TRAPPC9: variants seen among roughly 807,000 people sequenced by gnomAD.
TRAPPC9 encodes the protein IKK2 binding protein.
Under a neutral mutation model 124.0 loss-of-function variants are expected in TRAPPC9, and 83 were observed. That is an observed-to-expected ratio of 0.67 (90% CI 0.56 to 0.80). TRAPPC9 has a LOEUF of 0.80. Ranked by LOEUF, TRAPPC9 falls within the 30% of genes least tolerant of loss-of-function variation. TRAPPC9 has a pLI of 0.00. For synonymous variants in TRAPPC9, 638 were observed against 617.5 expected, an observed-to-expected ratio of 1.03 and a Z score of -0.49; for missense variants, 1,302 against 1,508.3, an observed-to-expected ratio of 0.86 and a Z score of 2.27.
At chr8:140,443,667 G>A (rs1460518791) in intron 2 of TRAPPC9, among the ~76,000 whole-genome samples, 9 of 152,134 alleles carry the variant, frequency 5.9e-5, no homozygotes, top group Non-Finnish European at 1.0e-4. Context: ...TTGGGAAGCC[G>A]AGGCAGGCAG....
intron 21 of TRAPPC9, among the ~76,000 whole-genome samples, chr8:139,874,905 G>C (rs1829224051): frequency 2.0e-5 from 3 of 152,122 alleles, no homozygotes; most frequent in African/African-American, 7.2e-5. Flanking sequence ...CAGCAGCTAT[G>C]GGACCAGTCA....
intron 17 of TRAPPC9, among the ~76,000 whole-genome samples, chr8:140,220,016 C>G (rs879840197): frequency 3.3e-5 from 5 of 152,192 alleles, no homozygotes; most frequent in Non-Finnish European, 7.3e-5. Context: ...TCCAGGGCAC[C>G]TGGGGCACGC....
chr8:140,081,050 C>T (rs1459492901), intron 17 of TRAPPC9, among the ~76,000 whole-genome samples: 1 of 152,150 alleles, frequency 6.6e-6, no homozygotes, highest in Non-Finnish European at 1.5e-5. Context: ...AGGGAGGCAC[C>T]CACCCTGGCT....
At chr8:139,735,512 G>A (rs552816891) in intron 21 of TRAPPC9, among the ~76,000 whole-genome samples, 4 of 152,172 alleles carry the variant, frequency 2.6e-5, no homozygotes, top group Admixed American at 1.3e-4. Context: ...ACAGTGAACC[G>A]AACCAGGCGC....
Position 140,255,045 on chromosome 8 carries a change from C to T in TRAPPC9, c.2279-2116G>A, listed in dbSNP as rs115794638. 1.1e-3 allele frequency among the ~76,000 whole-genome samples: 173 copies of T among 152,318 alleles called. 1 individual carries two copies. The highest frequency in any genetic ancestry group is 4.0e-3 in the African/African-American group (166 of 41,578). On this transcript the variant is annotated intron_variant, in intron 15 of 22. Transcript: ENST00000438773. ...CAAAATAAGCAGACATATTCCTGGC[C>T]GGAGGTGTGCTCGACCATGGCACGG...
At chr8:140,318,950 C>G (rs1261867271) in intron 9 of TRAPPC9, among the ~76,000 whole-genome samples, 1 of 152,148 alleles carries the variant, frequency 6.6e-6, no homozygotes, top group African/African-American at 2.4e-5. Flanking sequence ...TAAAAGGACA[C>G]AAGGCCGTGG....
chr8:140,265,270 T>G (rs1212628766), intron 15 of TRAPPC9, among the ~76,000 whole-genome samples: 1 of 152,148 alleles, frequency 6.6e-6, no homozygotes, highest in African/African-American at 2.4e-5. Context: ...AAGCATAAGG[T>G]ATGCTCAGAA....
chr8:140,079,314 T>C (rs1447598055), intron 17 of TRAPPC9, among the ~76,000 whole-genome samples: 1 of 152,156 alleles, frequency 6.6e-6, no homozygotes, highest in Non-Finnish European at 1.5e-5. Flanking sequence ...CAACAAAGAA[T>C]CTGAGAAGAG....
At chr8:139,937,035 T>A (rs907556790) in intron 19 of TRAPPC9, among the ~76,000 whole-genome samples, 2 of 144,452 alleles carry the variant, frequency 1.4e-5, no homozygotes, top group Non-Finnish European at 3.0e-5. Context: ...GTATAAAGCA[T>A]GGAGAGAGTG....
chr8:139,773,418 C>T (rs1821121431), intron 21 of TRAPPC9, among the ~76,000 whole-genome samples: 2 of 152,246 alleles, frequency 1.3e-5, no homozygotes, highest in African/African-American at 2.4e-5. Flanking sequence ...GGCAGTGCAG[C>T]AGACGGCACT....
intron 21 of TRAPPC9, among the ~76,000 whole-genome samples, chr8:139,805,431 C>T (rs879478809): frequency 6.6e-6 from 1 of 152,232 alleles, no homozygotes; most frequent in Non-Finnish European, 1.5e-5. Flanking sequence ...GGCAGCCCTG[C>T]CATTTGTCAG....
chr8:139,981,928 C>G (rs907919791), intron 19 of TRAPPC9, among the ~76,000 whole-genome samples: 2 of 152,242 alleles, frequency 1.3e-5, no homozygotes, highest in African/African-American at 4.8e-5. Flanking sequence ...GCTTCGGTGC[C>G]AGGTCCGCTG....
chr8:140,029,474 C>G (rs1840364076), intron 17 of TRAPPC9, among the ~76,000 whole-genome samples: 1 of 152,152 alleles, frequency 6.6e-6, no homozygotes, highest in Non-Finnish European at 1.5e-5. Context: ...CACTTTCCTC[C>G]AGCCTGGGCG....
chr8:140,194,574 C>T (rs1240698292), intron 17 of TRAPPC9, among the ~76,000 whole-genome samples: 1 of 152,100 alleles, frequency 6.6e-6, no homozygotes, highest in Non-Finnish European at 1.5e-5. Flanking sequence ...GACACAGAGG[C>T]CAACTGTAAC....
chr8:140,126,080 C>A (rs1261302179), intron 17 of TRAPPC9, among the ~76,000 whole-genome samples: 8 of 152,096 alleles, frequency 5.3e-5, no homozygotes, highest in Non-Finnish European at 7.3e-5. Context: ...CCTGTCAAAT[C>A]TCATTCTTTA....
At chr8:140,027,472 C>T (rs927315428) in intron 17 of TRAPPC9, among the ~76,000 whole-genome samples, 1 of 151,986 alleles carries the variant, frequency 6.6e-6, no homozygotes, top group East Asian at 1.9e-4. Flanking sequence ...AAGAAATCAC[C>T]TGGGGAATGA....
At position 139,843,125 on chromosome 8, in the gene TRAPPC9, G is replaced by A. The variant is rs930671014; in HGVS notation, c.3055+42754C>T. On this transcript the variant is annotated intron_variant, in intron 21 of 22. Coordinates refer to ENST00000438773, the MANE Select transcript of TRAPPC9 (RefSeq NM_001160372.4). ...GCAATACCATGCCTGGCATATGGTG[G>A]GCACTCGACACATAGGGCTAAGTGG... Among the ~76,000 whole-genome samples, 7 of 152,350 alleles carry A rather than the reference G, an allele frequency of 4.6e-5. No homozygotes were observed. The South Asian group carries it at 8.3e-4, about 18-fold the overall frequency.
intron 21 of TRAPPC9, among the ~76,000 whole-genome samples, chr8:139,879,102 C>T (rs117297815): frequency 9.6e-4 from 147 of 152,360 alleles, no homozygotes; most frequent in African/African-American, 2.7e-3. Context: ...CCCGGCATGG[C>T]GGCCTACGGG....
At chr8:140,452,627 T>A (rs2071506236) in intron 1 of TRAPPC9, among the ~76,000 whole-genome samples, 1 of 152,060 alleles carries the variant, frequency 6.6e-6, no homozygotes. Context: ...AAAGAAAACG[T>A]TATTACCTGA....
Sources: allele counts gnomAD v4.1 joint callset (sites outside exome capture counted in the v4.1 genomes callset), GRCh38; gene constraint gnomAD v4.1.1; transcripts MANE v1.5; gene names NCBI Gene and HGNC (gene_info 2026-07-23, HGNC 2026-07-21).